The following ZNF581 variants were observed in gnomAD, a reference collection of about 807,000 sequenced individuals.
The protein encoded by ZNF581 is zinc finger protein 581.
Under a neutral mutation model 1.2 loss-of-function variants are expected in ZNF581, and 1 was observed. That is an observed-to-expected ratio of 0.83 (90% confidence interval 0.30 to 3.95). The LOEUF (loss-of-function observed/expected upper bound fraction) is 3.95. ZNF581 is among the 30% of genes most tolerant of loss of function. ZNF581 has a pLI of 0.18. For missense variants in ZNF581, 273 were observed against 274.6 expected, an observed-to-expected ratio of 0.99 and a Z score of 0.04; for synonymous variants, 105 against 109.2, an observed-to-expected ratio of 0.96 and a Z score of 0.24.
rs1055056371 is a variant in ZNF581 at position 55,644,511 on chromosome 19, C to T, written c.-19-42C>T. The T allele has an allele frequency of 3.9e-5, 51 of 1,292,760 alleles. No individual in the cohort carries two copies. The highest frequency in any genetic ancestry group is 1.4e-5 in the South Asian group (1 of 69,272). The allele number at this position is 1,292,760 out of a possible 1,614,324, so 80.1% of individuals were successfully genotyped here. A position where few individuals can be genotyped will look rare whatever the true frequency, so the allele number is the denominator to read the frequency against. On this transcript the variant is annotated intron_variant, in intron 1 of 1. Transcript: ENST00000270451. The surrounding 1 kb of genome is among the most constrained non-coding windows in gnomAD (Gnocchi z 4.3). Reference sequence around the variant, plus strand: ...GATGGAGCCTGTGGTGCTGAGCTGCCCTCTTCTATATAACCTTCTTATCCC... The same window carrying T: ...GATGGAGCCTGTGGTGCTGAGCTGCTCTCTTCTATATAACCTTCTTATCCC...
chr19:55,644,623 G>A lies in ZNF581; in HGVS notation c.52G>A (p.Glu18Lys), dbSNP rs1248748764. The A allele has an allele frequency of 1.2e-6, 2 of 1,609,646 alleles. No homozygotes were observed. Among genetic ancestry groups the A allele is most frequent in the South Asian group, 1.1e-5 (1 of 90,204 alleles). Residue 18 changes from glutamate to lysine, a missense_variant, in exon 2 of 2, where the codon GAG (glutamate) becomes AAG (lysine). Transcript: ENST00000270451. The surrounding 1 kb of genome is among the most constrained non-coding windows in gnomAD (Gnocchi z 4.3). ...CPQPLAFSSVETMEGPPRRTC... is the reference protein window; with the variant it reads ...CPQPLAFSSVKTMEGPPRRTC... ...TCAGCCTCTGGCATTTTCCTCCGTT[G>A]AGACCATGGAGGGCCCTCCCCGTCG...
At chr19:55,639,516 G>A (rs1460175005), upstream of ZNF581, among the ~76,000 whole-genome samples, 1 of 152,202 alleles carries the variant, frequency 6.6e-6, no homozygotes, top group Admixed American at 6.5e-5. Flanking sequence ...ATATAACTGT[G>A]AGGCCTTTTG....
At chr19:55,643,156 C>T (rs1982638777), upstream of ZNF581, 1 of 1,105,408 alleles carries the variant, frequency 9.0e-7, no homozygotes, top group African/African-American at 3.5e-5. Flanking sequence ...GCCTCAGTTT[C>T]CCCACCTTCC....
upstream of ZNF581, among the ~76,000 whole-genome samples, chr19:55,638,220 G>A (rs943631268): frequency 3.3e-5 from 5 of 151,998 alleles, no homozygotes; most frequent in African/African-American, 1.2e-4. Context: ...CTGGCAGGAG[G>A]TGACACGCTT....
Position 55,644,620 on chromosome 19 carries a change from G to A in ZNF581, c.49G>A (p.Val17Ile), listed in dbSNP as rs760069127. 3.7e-6 allele frequency: 6 copies of A among 1,609,054 alleles called. No individual in the cohort carries two copies. Among genetic ancestry groups the A allele is most frequent in the East Asian group, 2.2e-5 (1 of 44,612 alleles). ...CCCTCAGCCTCTGGCATTTTCCTCC[G>A]TTGAGACCATGGAGGGCCCTCCCCG... The part of the protein sequence containing the change: ...PCPQPLAFSS[V>I]ETMEGPPRRT... The change falls in exon 2 of 2, where the codon GTT becomes ATT. Residue 17 changes from valine (V) to isoleucine (I), a missense_variant. By Grantham distance (29) the Val-to-Ile change is conservative. Transcript: ENST00000270451. This position sits in a 1 kb window ranked among gnomAD's most constrained non-coding sequence, Gnocchi z 4.3.
At chr19:55,642,619 C>T (rs1982587320), upstream of ZNF581, 4 of 1,461,720 alleles carry the variant, frequency 2.7e-6, no homozygotes, top group Non-Finnish European at 3.6e-6. Flanking sequence ...GCCCCTCCTC[C>T]ACTCCTTCCT....
chr19:55,638,426 A>C (rs1982224650), upstream of ZNF581, among the ~76,000 whole-genome samples: 2 of 152,066 alleles, frequency 1.3e-5, no homozygotes, highest in South Asian at 4.1e-4. Context: ...TTTAGTAGAG[A>C]CCAGGTTACA....
At chr19:55,641,286 C>T (rs1254398594), upstream of ZNF581, 6 of 744,346 alleles carry the variant, frequency 8.1e-6, no homozygotes, top group African/African-American at 1.9e-5. Flanking sequence ...GGGTGGGGGT[C>T]GGGAGCGGCA....
upstream of ZNF581, chr19:55,641,231 G>T (rs978149385): frequency 2.1e-6 from 2 of 970,732 alleles, no homozygotes; most frequent in Non-Finnish European, 2.4e-6. Context: ...GGACGACGCC[G>T]GGGCCAGGCA....
upstream of ZNF581, chr19:55,640,285 T>C (rs986704149): frequency 3.3e-5 from 33 of 985,368 alleles, no homozygotes; most frequent in Non-Finnish European, 3.9e-5. Flanking sequence ...GTCCTTCGCA[T>C]GCGCAGCCAG....
Position 55,644,584 on chromosome 19 carries a change from C to A in ZNF581, c.13C>A (p.Pro5Thr). The A allele has an allele frequency of 1.3e-6, 2 of 1,595,800 alleles. No homozygotes were observed. Among genetic ancestry groups the A allele is most frequent in the Admixed American group, 1.7e-5 (1 of 58,364 alleles). Residue 5 changes from proline to threonine, a missense_variant, in exon 2 of 2, where the codon CCA becomes ACA. Transcript: ENST00000270451. This position sits in a 1 kb window ranked among gnomAD's most constrained non-coding sequence, Gnocchi z 4.3. MLVL[P>T]SPCPQPLAFS... is the part of the protein sequence containing the mutation. ...GCCAGCCCTCCGGATGCTGGTGCTG[C>A]CATCCCCCTGCCCTCAGCCTCTGGC...
chr19:55,640,667 C>G (rs762555493), upstream of ZNF581: 323 of 985,362 alleles, frequency 3.3e-4, no homozygotes, highest in Non-Finnish European at 3.8e-4. Context: ...ATTTGCTCAG[C>G]CGGCAGGAAC....
At chr19:55,638,531 A>G (rs1463782717), upstream of ZNF581, among the ~76,000 whole-genome samples, 1 of 152,136 alleles carries the variant, frequency 6.6e-6, no homozygotes, top group East Asian at 1.9e-4. Flanking sequence ...CACCACGCTC[A>G]GCCTGACATG....
upstream of ZNF581, chr19:55,642,997 G>A (rs2123632001): frequency 7.3e-7 from 1 of 1,369,592 alleles, no homozygotes; most frequent in Non-Finnish European, 9.4e-7. Context: ...AGGACGCCGC[G>A]GAGCTGGCGC....
At chr19:55,640,859 G>C (rs904083730), upstream of ZNF581, 5 of 985,394 alleles carry the variant, frequency 5.1e-6, no homozygotes, top group Admixed American at 1.2e-4. Flanking sequence ...TGGGAGGGGA[G>C]CGGGGCCGCC....
In ZNF581 at chr19:55,644,895, C is replaced by G. The variant is rs960549590; in HGVS notation, c.324C>G (p.Thr108=). The change falls in exon 2 of 2, where the codon ACC becomes ACG. Residue 108 remains threonine (T), a synonymous_variant. Coordinates refer to ENST00000270451, the MANE Select transcript of ZNF581 (RefSeq NM_016535.4). The surrounding 1 kb of genome is among the most constrained non-coding windows in gnomAD (Gnocchi z 4.3). Reference sequence around the variant, plus strand: ...CCTACCTTCAGCGACACAGCATCACCCACTCGGAGGTAAAGCCCTTCGAGT... The same window carrying G: ...CCTACCTTCAGCGACACAGCATCACGCACTCGGAGGTAAAGCCCTTCGAGT... ...YMSYLQRHSI[T]HSEVKPFECD... The G allele has an allele frequency of 6.2e-7, 1 of 1,613,958 alleles. No homozygotes were observed. The highest frequency in any genetic ancestry group is 1.3e-5 in the African/African-American group (1 of 75,052).
upstream of ZNF581, chr19:55,640,470 C>T (rs777059976): frequency 5.1e-4 from 507 of 985,372 alleles, no homozygotes; most frequent in Non-Finnish European, 6.0e-4. Context: ...TCCCCACCTG[C>T]GCATGCAGCC....
At chr19:55,640,091 G>T, upstream of ZNF581, 2 of 982,706 alleles carry the variant, frequency 2.0e-6, no homozygotes, top group Non-Finnish European at 2.4e-6. Context: ...GGGGCTCGCT[G>T]TGACAGTTAC....
upstream of ZNF581, chr19:55,642,223 C>A (rs962119381): frequency 3.8e-5 from 45 of 1,190,252 alleles, no homozygotes; most frequent in Admixed American, 1.8e-4. Flanking sequence ...CGGGGGACTA[C>A]GTCCTCAGAC....
Sources: gnomAD v4.1 joint callset for allele counts (sites outside exome capture counted in the v4.1 genomes callset) on GRCh38, gnomAD v4.1.1 for gene constraint, Gnocchi (gnomAD v3.1) non-coding constraint, MANE v1.5 for transcripts, NCBI Gene and HGNC (gene_info 2026-07-23, HGNC 2026-07-21) for gene names.